Variants in STRBP observed in about 807,000 individuals in gnomAD.
STRBP encodes the protein spermatid perinuclear RNA-binding protein.
In STRBP, 13 loss-of-function variants were observed where a neutral mutation model predicts 80.1. The observed-to-expected ratio is 0.16, with a 90% confidence interval of 0.11 to 0.26. The LOEUF (loss-of-function observed/expected upper bound fraction) is 0.26. Among genes scored for constraint, STRBP ranks in the 10% least tolerant of loss-of-function variants. The pLI is 1.00. For synonymous variants in STRBP, 284 were observed against 291.2 expected (o/e 0.98, Z 0.25); for missense variants, 485 against 815.2 (o/e 0.59, Z 4.93).
intron 1 of STRBP, among the ~76,000 whole-genome samples, chr9:123,238,428 G>C (rs935940551): frequency 1.3e-5 from 2 of 152,208 alleles, no homozygotes; most frequent in Admixed American, 6.5e-5. Context: ...ATTAAACCTA[G>C]ATTCCCTTAA....
chr9:123,235,584 CAAAAAAAAAAAAAAAA>C (rs71390421), intron 2 of STRBP, among the ~76,000 whole-genome samples: 119 of 36,534 alleles, frequency 3.3e-3, no homozygotes, highest in African/African-American at 9.1e-3. Flanking sequence ...ACAAGTTCAG[CAAAAAAAAAAAAAAAA>C]AAAAAAAAAA....
chr9:123,240,759 G>T (rs985531094), intron 1 of STRBP, among the ~76,000 whole-genome samples: 3 of 152,182 alleles, frequency 2.0e-5, no homozygotes, highest in Non-Finnish European at 2.9e-5. Flanking sequence ...TGTCTTCTAA[G>T]TGGCCTCTCC....
downstream of STRBP, among the ~76,000 whole-genome samples, chr9:123,116,731 G>C (rs995239551): frequency 3.3e-5 from 5 of 152,166 alleles, no homozygotes; most frequent in African/African-American, 7.2e-5. Context: ...AACGGACATT[G>C]GTGCCTACTA....
intron 11 of STRBP, 100 bp downstream of exon 11, chr9:123,157,912 G>T: frequency 1.1e-6 from 1 of 873,902 alleles, no homozygotes; most frequent in Non-Finnish European, 1.8e-6. Flanking sequence ...TGATTTGGAT[G>T]CACAATTATT....
rs75433959 is a variant in STRBP at position 123,172,922 on chromosome 9, T to C, written c.390+755A>G. 6.8e-3 allele frequency among the ~76,000 whole-genome samples: 1,032 copies of C among 152,282 alleles called. 12 individuals carry two copies. Among genetic ancestry groups the C allele is most frequent in the African/African-American group, 0.024 (996 of 41,562 alleles). ...AGGCCAACATCTATTTCTGTGGCAT[T>C]GATATGAAGACAAACTAATATAAAA... On this transcript the variant is annotated intron_variant, in intron 5 of 18. Transcript: ENST00000348403.
chr9:123,128,206 G>A lies in STRBP; in HGVS notation c.1942+8C>T, dbSNP rs1244091383. 1 of 1,614,094 alleles carries A rather than the reference G, an allele frequency of 6.2e-7. No homozygotes were observed. The highest frequency in any genetic ancestry group is 1.1e-5 in the South Asian group (1 of 91,080). On this transcript the variant is annotated splice_region_variant and intron_variant, in intron 18 of 18. Coordinates refer to ENST00000348403, the MANE Select transcript of STRBP (RefSeq NM_018387.5). ...TAAGAGGAGATATCAGTAAGATGGT[G>A]TACGTACCATAGGCAGGGGCAGCTG... is the stretch of plus-strand genomic sequence containing the variant.
At chr9:123,172,608 T>G (rs572583030) in intron 5 of STRBP, among the ~76,000 whole-genome samples, 1 of 152,102 alleles carries the variant, frequency 6.6e-6, no homozygotes, top group African/African-American at 2.4e-5. Flanking sequence ...AACCATATAT[T>G]AAGACAAAAT....
chr9:123,232,832 G>A (rs2040436053), intron 2 of STRBP, among the ~76,000 whole-genome samples: 1 of 152,186 alleles, frequency 6.6e-6, no homozygotes, highest in Non-Finnish European at 1.5e-5. Flanking sequence ...CTCAGGTTCT[G>A]TAAGGAAGAC....
At chr9:123,236,567 T>C (rs1374882158) in intron 2 of STRBP, among the ~76,000 whole-genome samples, 1 of 151,654 alleles carries the variant, frequency 6.6e-6, no homozygotes, top group African/African-American at 2.4e-5. Context: ...TTTGCCAGCA[T>C]AGTATATTGG....
At chr9:123,128,100 G>T in intron 18 of STRBP, 114 bp downstream of exon 18, 2 of 1,328,812 alleles carry the variant, frequency 1.5e-6, no homozygotes, top group South Asian at 1.3e-5. Context: ...TGGGTCACTA[G>T]AATGAATAAA....
intron 5 of STRBP, among the ~76,000 whole-genome samples, chr9:123,172,923 G>A (rs1295215124): frequency 1.3e-5 from 2 of 152,174 alleles, no homozygotes; most frequent in Non-Finnish European, 2.9e-5. Context: ...CTGTGGCATT[G>A]ATATGAAGAC....
In STRBP at chr9:123,151,257, G is replaced by A. The variant is rs935755090; in HGVS notation, c.1046-3387C>T. On this transcript the variant is annotated intron_variant, in intron 11 of 18. Coordinates refer to ENST00000348403, the MANE Select transcript of STRBP (RefSeq NM_018387.5). Reference sequence around the variant, plus strand: ...AACTAAAACCTGGCAGGCCTGCAAGGGGAAATGACAAATCCACAATAGATG... The same window carrying A: ...AACTAAAACCTGGCAGGCCTGCAAGAGGAAATGACAAATCCACAATAGATG... Among the ~76,000 whole-genome samples, 25 of 151,830 alleles carry A rather than the reference G, an allele frequency of 1.6e-4. 1 individual carries two copies. The highest frequency in any genetic ancestry group is 4.4e-4 in the African/African-American group (18 of 41,138).
chr9:123,132,964 T>C lies in STRBP; in HGVS notation c.1778A>G (p.Lys593Arg), dbSNP rs2036202488. 7.5e-6 allele frequency: 12 copies of C among 1,610,488 alleles called. No individual in the cohort carries two copies. The highest frequency in any genetic ancestry group is 1.0e-5 in the Non-Finnish European group (12 of 1,178,716). ...NKKKKIIPQA[K>R]GVVNTAVSAA... The stretch of plus-strand genomic sequence containing the variant: ...AGACACAGCTGTATTCACAACGCCC[T>C]TTGCCTGTTAAAATAACACATTTTC... Residue 593 changes from lysine (K) to arginine (R), a missense_variant, in exon 17 of 19, where the codon AAG (lysine) becomes AGG (arginine). Lys to Arg is a conservative substitution (Grantham distance 26). Around this residue, in one of 3 missense-constraint regions of STRBP, gnomAD observed 85 missense variants for 120.1 expected, o/e 0.71. Coordinates refer to ENST00000348403, the MANE Select transcript of STRBP (RefSeq NM_018387.5).
chr9:123,157,015 A>G (rs1461751840), intron 11 of STRBP, among the ~76,000 whole-genome samples: 1 of 152,174 alleles, frequency 6.6e-6, no homozygotes, highest in East Asian at 1.9e-4. Context: ...AGGCATTTTA[A>G]CCGGACAAGA....
chr9:123,237,264 C>A (rs796408310), intron 1 of STRBP, among the ~76,000 whole-genome samples: 4 of 152,154 alleles, frequency 2.6e-5, no homozygotes, highest in South Asian at 4.1e-4. Context: ...TTGCTAACTA[C>A]CAAAATCCAC....
intron 1 of STRBP, among the ~76,000 whole-genome samples, chr9:123,238,911 C>CAA (rs1373690508): frequency 6.6e-6 from 1 of 152,136 alleles, no homozygotes; most frequent in East Asian, 1.9e-4. Flanking sequence ...TGGGAGCAGG[C>CAA]AAAAGTTCAA....
intron 2 of STRBP, among the ~76,000 whole-genome samples, chr9:123,190,956 C>G (rs1253375263): frequency 2.0e-5 from 3 of 152,154 alleles, no homozygotes; most frequent in Non-Finnish European, 4.4e-5. Flanking sequence ...TGCATTTCAA[C>G]AAGTATTTAC....
intron 13 of STRBP, among the ~76,000 whole-genome samples, chr9:123,141,822 A>C (rs931075952): frequency 6.6e-6 from 1 of 152,214 alleles, no homozygotes; most frequent in African/African-American, 2.4e-5. Context: ...ATTCAAATCA[A>C]ATCATTTTTT....
intron 2 of STRBP, among the ~76,000 whole-genome samples, chr9:123,202,430 G>T (rs2039360828): frequency 6.6e-6 from 1 of 152,156 alleles, no homozygotes; most frequent in South Asian, 2.1e-4. Context: ...CCTGGCATTT[G>T]TTTAAAATGA....
Sources: gnomAD v4.1 joint callset for allele counts (sites outside exome capture counted in the v4.1 genomes callset) on GRCh38, gnomAD v4.1.1 for gene constraint, gnomAD v4.1.1 regional missense constraint, MANE v1.5 for transcripts, NCBI Gene and HGNC (gene_info 2026-07-23, HGNC 2026-07-21) for gene names.